OSBPL10: variants seen among roughly 807,000 people sequenced by gnomAD.
OSBPL10 encodes oxysterol-binding protein-related protein 10.
OSBPL10 carries 49 observed loss-of-function variants against 81.7 expected under a neutral mutation model. The observed-to-expected ratio is 0.60, with a 90% CI of 0.48 to 0.76. The LOEUF (loss-of-function observed/expected upper bound fraction) is 0.76, where lower values mean the gene tolerates loss of function less well. OSBPL10 is among the 30% of genes least tolerant of loss of function. OSBPL10 has a pLI of 0.00. For synonymous variants in OSBPL10, 419 were observed against 383.6 expected (o/e 1.09, Z -1.08); for missense variants, 923 against 987.8 (o/e 0.93, Z 0.88).
intron 3 of OSBPL10, among the ~76,000 whole-genome samples, chr3:31,836,881 G>A (rs1006041835): frequency 4.6e-5 from 7 of 152,102 alleles, no homozygotes; most frequent in Admixed American, 3.3e-4. Context: ...TGCTGACAAA[G>A]CTCAATTCAC....
In OSBPL10 at chr3:31,924,987, A is replaced by G. The variant is rs1199739347; in HGVS notation, c.282-45157T>C. On this transcript the variant is annotated intron_variant, in intron 1 of 11. Transcript: ENST00000396556. ...TCTCACTCATTCACAAGTCAAGAACAAAGTGAAAATGAATAGAAGTCTCCT... is the reference window on the plus strand; with the variant it reads ...TCTCACTCATTCACAAGTCAAGAACGAAGTGAAAATGAATAGAAGTCTCCT... Among the ~76,000 whole-genome samples, 3 of 152,348 alleles carry G rather than the reference A, an allele frequency of 2.0e-5. No homozygotes were observed. In the East Asian group the frequency reaches 5.8e-4, roughly 29 times the overall value.
chr3:32,026,047 G>A (rs1699404883), intron 2 of OSBPL10, among the ~76,000 whole-genome samples: 1 of 121,100 alleles, frequency 8.3e-6, no homozygotes, highest in Non-Finnish European at 1.7e-5. Flanking sequence ...TAGATAGATA[G>A]ATAGATAGAT....
intron 1 of OSBPL10, among the ~76,000 whole-genome samples, chr3:31,944,976 C>A (rs1021367134): frequency 6.0e-5 from 9 of 150,530 alleles, no homozygotes; most frequent in Non-Finnish European, 1.0e-4. Context: ...CATAGTGAAA[C>A]CCCGTCTCTA....
At chr3:31,829,701 A>G (rs1270137603) in intron 4 of OSBPL10, among the ~76,000 whole-genome samples, 2 of 152,108 alleles carry the variant, frequency 1.3e-5, no homozygotes, top group East Asian at 3.9e-4. Context: ...GTTTCAAAAC[A>G]CCCAAAGTTA....
rs551647431 is a variant in OSBPL10 at position 31,962,159 on chromosome 3, G to A, written c.281+18740C>T. ...TTTAGTAGAGATGGGGTTTCATCAC[G>A]TTGGCCAGGCTGGTCTTGAACTCCT... is the stretch of plus-strand genomic sequence containing the variant. On this transcript the variant is annotated intron_variant, in intron 1 of 11. Transcript: ENST00000396556. 5.3e-5 allele frequency among the ~76,000 whole-genome samples: 8 copies of A among 152,104 alleles called. 1 individual carries two copies. In the South Asian group the frequency reaches 1.5e-3, roughly 28 times the overall value.
chr3:31,771,996 A>C lies in OSBPL10; in HGVS notation c.730-23876T>G, dbSNP rs540431782. The stretch of plus-strand genomic sequence containing the variant: ...TAAGAAACAATAGATTCAGTGTAAA[A>C]CATATTACACTTCTCTTGCAGAATC... On this transcript the variant is annotated intron_variant, in intron 4 of 11. Transcript: ENST00000396556. Among the ~76,000 whole-genome samples the C allele has an allele frequency of 3.3e-5, 5 of 152,318 alleles. No homozygotes were observed. In the South Asian group the frequency reaches 1.0e-3, roughly 32 times the overall value.
chr3:32,034,085 T>C (rs181409733), intron 2 of OSBPL10, among the ~76,000 whole-genome samples: 31 of 152,230 alleles, frequency 2.0e-4, no homozygotes, highest in Middle Eastern at 3.4e-3. Flanking sequence ...AAATGCCAGA[T>C]GCTTATAAAA....
chr3:31,998,652 C>T (rs1010122703), intron 2 of OSBPL10, among the ~76,000 whole-genome samples: 6 of 152,166 alleles, frequency 3.9e-5, no homozygotes, highest in African/African-American at 1.4e-4. Flanking sequence ...CATTTAAATT[C>T]CCCACTTTAT....
chr3:31,857,805 A>T (rs1346833100), intron 3 of OSBPL10, among the ~76,000 whole-genome samples: 1 of 2,054 alleles, frequency 4.9e-4, no homozygotes, highest in Non-Finnish European at 8.9e-4. Context: ...ACAGAAAGGG[A>T]GAGAGAGAGA....
At chr3:31,672,293 A>G (rs539389382) in intron 8 of OSBPL10, among the ~76,000 whole-genome samples, 2 of 144,286 alleles carry the variant, frequency 1.4e-5, no homozygotes, top group South Asian at 4.4e-4. Flanking sequence ...TAAGTAATTC[A>G]GCTGTTTAAT....
chr3:31,955,537 C>T (rs893785844), intron 1 of OSBPL10, among the ~76,000 whole-genome samples: 4 of 152,348 alleles, frequency 2.6e-5, no homozygotes, highest in African/African-American at 9.6e-5. Flanking sequence ...CTCTTGGTAA[C>T]AGCATTGGCA....
At chr3:31,860,555 C>T (rs1701032167) in intron 3 of OSBPL10, among the ~76,000 whole-genome samples, 1 of 152,128 alleles carries the variant, frequency 6.6e-6, no homozygotes, top group Non-Finnish European at 1.5e-5. Context: ...CATTCTCCAC[C>T]GTTGCCACCA....
At chr3:31,718,841 C>T (rs1317175849) in intron 6 of OSBPL10, 1 of 152,086 alleles carries the variant, frequency 6.6e-6, no homozygotes, top group East Asian at 1.9e-4. Context: ...ACGGAAGGTC[C>T]AAATCAGAAC....
chr3:31,902,199 T>C (rs1262752793), intron 1 of OSBPL10, among the ~76,000 whole-genome samples: 1 of 151,894 alleles, frequency 6.6e-6, no homozygotes, highest in Non-Finnish European at 1.5e-5. Flanking sequence ...AATGCACATA[T>C]AGCACCTTAA....
At chr3:31,989,690 C>T (rs1260519784) in intron 2 of OSBPL10, 1 of 1,613,814 alleles carries the variant, frequency 6.2e-7, no homozygotes, top group Non-Finnish European at 8.5e-7. Flanking sequence ...ATCCATATTT[C>T]TAATAACTAT....
Position 31,661,796 on chromosome 3 carries a change from T to A in OSBPL10, c.*276A>T. 3.0e-6 allele frequency: 1 copy of A among 327,900 alleles called. No homozygotes were observed. The highest frequency in any genetic ancestry group is 4.7e-5 in the East Asian group (1 of 21,154). The allele number at this position is 327,900 out of a possible 1,614,324, so 20.3% of individuals were successfully genotyped here. On this transcript the variant is annotated 3_prime_UTR_variant, in exon 12 of 12. Transcript: ENST00000396556. ...CACTTTAACCTTGGTGAGTGCAGTA[T>A]TTAAATGTGTAATCATACTCAGATG... is the stretch of plus-strand genomic sequence containing the variant.
chr3:32,029,869 C>G (rs898645288), intron 2 of OSBPL10, among the ~76,000 whole-genome samples: 1 of 152,164 alleles, frequency 6.6e-6, no homozygotes, highest in Non-Finnish European at 1.5e-5. Context: ...CTTTATGTCT[C>G]TCATAGCTCC....
chr3:31,879,350 T>C, intron 2 of OSBPL10: 1 of 247,202 alleles, frequency 4.0e-6, no homozygotes, highest in Non-Finnish European at 7.7e-6. Context: ...AGATTCATAC[T>C]ATTACGTCAA....
intron 2 of OSBPL10, chr3:32,030,539 AAAAG>A (rs1231026451): frequency 2.0e-5 from 15 of 756,590 alleles, no homozygotes; most frequent in Non-Finnish European, 3.4e-5. Context: ...AATGATCAGA[AAAAG>A]AAAGAAGCCA....
Sources: allele counts gnomAD v4.1 joint callset (sites outside exome capture counted in the v4.1 genomes callset), GRCh38; gene constraint gnomAD v4.1.1; transcripts MANE v1.5; gene names NCBI Gene and HGNC (gene_info 2026-07-23, HGNC 2026-07-21).